Variants in CFAP299 observed in about 807,000 individuals in gnomAD.
The protein encoded by CFAP299 is cilia and flagella associated protein 299.
CFAP299 carries 21 observed loss-of-function variants against 27.0 expected under a neutral mutation model. The observed-to-expected ratio is 0.78, with a 90% confidence interval of 0.55 to 1.12. The LOEUF (loss-of-function observed/expected upper bound fraction) is 1.12, where lower values mean the gene tolerates loss of function less well. CFAP299 is among the 50% of genes most tolerant of loss of function. CFAP299 has a pLI of 0.00. For missense variants in CFAP299, 310 were observed against 276.6 expected (o/e 1.12, Z -0.86); for synonymous variants, 104 against 98.1 (o/e 1.06, Z -0.36).
At chr4:80,540,073 A>G (rs905444523) in intron 2 of CFAP299, among the ~76,000 whole-genome samples, 2 of 152,220 alleles carry the variant, frequency 1.3e-5, no homozygotes, top group African/African-American at 2.4e-5. Context: ...GTTTTTGCCA[A>G]AGGAATTAAT....
At chr4:80,384,420 T>G (rs1360979713) in intron 2 of CFAP299, among the ~76,000 whole-genome samples, 1 of 152,154 alleles carries the variant, frequency 6.6e-6, no homozygotes, top group Non-Finnish European at 1.5e-5. Context: ...TTATGAAGAG[T>G]CTGGCATTCA....
intron 3 of CFAP299, among the ~76,000 whole-genome samples, chr4:80,721,476 T>C (rs766919802): frequency 6.6e-5 from 10 of 152,198 alleles, no homozygotes; most frequent in Non-Finnish European, 1.5e-4. Flanking sequence ...TGTGTCCTCA[T>C]TTCCTCATCT....
intron 3 of CFAP299, among the ~76,000 whole-genome samples, chr4:80,663,538 A>G (rs1740978807): frequency 6.6e-6 from 1 of 152,154 alleles, no homozygotes; most frequent in South Asian, 2.1e-4. Context: ...TCTATCATTG[A>G]TGGACATTTG....
At chr4:80,442,779 G>A (rs1290139165) in intron 2 of CFAP299, among the ~76,000 whole-genome samples, 1 of 152,066 alleles carries the variant, frequency 6.6e-6, no homozygotes, top group Non-Finnish European at 1.5e-5. Flanking sequence ...TAACAAAATA[G>A]ATAGACTAGT....
At chr4:80,646,258 A>G (rs960429859) in intron 3 of CFAP299, among the ~76,000 whole-genome samples, 2 of 152,174 alleles carry the variant, frequency 1.3e-5, no homozygotes, top group African/African-American at 4.8e-5. Context: ...TATTTGTTAA[A>G]TAAAAGAAAA....
chr4:80,323,155 A>T, the CFAP299 span, among the ~76,000 whole-genome samples: 1 of 152,236 alleles, frequency 6.6e-6, no homozygotes, highest in Non-Finnish European at 1.5e-5. Context: ...GCTGGTTGGG[A>T]TGAAGCATAT....
rs1560543908 is a variant in CFAP299, at chr4:80,390,878, T to TATATATGTTTATACACACATATATGC, written c.242+28002_242+28003insTTATACACACATATATGCATATATGT. On this transcript the variant is annotated intron_variant, in intron 2 of 5. Coordinates refer to ENST00000358105, the MANE Select transcript of CFAP299 (RefSeq NM_152770.3). ...GTATATGTATATGCGCACATATATG[T>TATATATGTTTATACACACATATATGC]ATATATGTATATACACACATATGCA... Among the ~76,000 whole-genome samples, 167 of 66,640 alleles carry TATATATGTTTATACACACATATATGC rather than the reference T, an allele frequency of 2.5e-3. 15 individuals carry two copies. The highest frequency in any genetic ancestry group is 6.5e-3 in the African/African-American group (154 of 23,722). 43.7% of individuals were successfully genotyped at this position (66,640 alleles called of 152,430 possible).
chr4:80,413,080 G>A (rs1726807217), intron 2 of CFAP299, among the ~76,000 whole-genome samples: 2 of 152,208 alleles, frequency 1.3e-5, no homozygotes, highest in South Asian at 4.1e-4. Context: ...TTCTCAACTT[G>A]TGTGAGAAGA....
chr4:80,524,813 A>T (rs1733092065), intron 2 of CFAP299, among the ~76,000 whole-genome samples: 1 of 152,096 alleles, frequency 6.6e-6, no homozygotes, highest in African/African-American at 2.4e-5. Flanking sequence ...CTATTATGTC[A>T]TGGTTTCTGT....
chr4:80,371,263 A>G (rs967628090), intron 2 of CFAP299, among the ~76,000 whole-genome samples: 2 of 152,164 alleles, frequency 1.3e-5, no homozygotes, highest in Admixed American at 6.5e-5. Context: ...CTTAACACAT[A>G]AAATTGTTCA....
chr4:80,719,438 C>G (rs1369893249), intron 3 of CFAP299, among the ~76,000 whole-genome samples: 2 of 152,140 alleles, frequency 1.3e-5, no homozygotes, highest in African/African-American at 4.8e-5. Flanking sequence ...AGAAAACTAC[C>G]AAACTGTTTC....
chr4:80,516,525 T>C lies in CFAP299; in HGVS notation c.243-66568T>C, dbSNP rs1048959557. Among the ~76,000 whole-genome samples the C allele has an allele frequency of 5.3e-5, 8 of 151,726 alleles. 1 individual carries two copies. Among genetic ancestry groups the C allele is most frequent in the Admixed American group, 3.9e-4 (6 of 15,236 alleles). ...GATGAGAGAGGGAGTAAGAGGGAAA[T>C]TGGGGAGGTTTCAGACTCTTTCAAA... On this transcript the variant is annotated intron_variant, in intron 2 of 5. Transcript: ENST00000358105.
chr4:80,366,174 A>G (rs1723824329), intron 2 of CFAP299, among the ~76,000 whole-genome samples: 1 of 152,190 alleles, frequency 6.6e-6, no homozygotes, highest in Non-Finnish European at 1.5e-5. Flanking sequence ...CACTTTGAAA[A>G]TATGCATGAA....
At chr4:80,883,265 T>C (rs1210607324) in intron 4 of CFAP299, among the ~76,000 whole-genome samples, 4 of 152,016 alleles carry the variant, frequency 2.6e-5, no homozygotes, top group Admixed American at 2.6e-4. Context: ...AGCCTCACGG[T>C]AAACACAAAT....
chr4:80,504,359 G>GCTTT lies in CFAP299; in HGVS notation c.243-78730_243-78727dup, dbSNP rs565440384. 9.1e-3 allele frequency among the ~76,000 whole-genome samples: 1,364 copies of GCTTT among 150,226 alleles called. 9 individuals are homozygous for GCTTT. The highest frequency in any genetic ancestry group is 0.028 in the Middle Eastern group (8 of 290). Reference sequence around the variant, plus strand: ...AAGAGAGCTGCCATGTGGTGAAGAGGCTTTCTTGCCTGGGATTTTTCTTCA... The same window carrying GCTTT: ...AAGAGAGCTGCCATGTGGTGAAGAGGCTTTCTTTCTTGCCTGGGATTTTTCTTCA... On this transcript the variant is annotated intron_variant, in intron 2 of 5. Coordinates refer to ENST00000358105, the MANE Select transcript of CFAP299 (RefSeq NM_152770.3).
chr4:80,723,117 T>C (rs1722933943), intron 3 of CFAP299, among the ~76,000 whole-genome samples: 1 of 152,154 alleles, frequency 6.6e-6, no homozygotes, highest in Admixed American at 6.6e-5. Flanking sequence ...GGCAAGGATG[T>C]GGAAGACCTG....
intron 2 of CFAP299, among the ~76,000 whole-genome samples, chr4:80,517,809 A>G (rs989114437): frequency 8.5e-5 from 13 of 152,282 alleles, no homozygotes; most frequent in African/African-American, 2.9e-4. Context: ...AGGGTGTAGG[A>G]GAGAGACAAG....
intron 3 of CFAP299, among the ~76,000 whole-genome samples, chr4:80,732,354 C>T (rs1578069850): frequency 1.3e-5 from 2 of 152,070 alleles, no homozygotes; most frequent in Admixed American, 1.3e-4. Context: ...TACACATTGA[C>T]CTTGATTTCT....
Position 80,863,201 on chromosome 4 carries a change from CTT to C in CFAP299, c.334-6777_334-6776del, listed in dbSNP as rs71664821. On this transcript the variant is annotated intron_variant, in intron 3 of 5. Transcript: ENST00000358105. The stretch of plus-strand genomic sequence containing the variant: ...GTACAGCAACATACTGCTTAGCATG[CTT>C]TTTTTTTTTTTTTTAAGTGACTTTG... Among the ~76,000 whole-genome samples, 165 of 133,456 alleles carry C rather than the reference CTT, an allele frequency of 1.2e-3. 2 individuals carry two copies. In the East Asian group the frequency reaches 0.025, roughly 20 times the overall value. 87.6% of individuals were successfully genotyped at this position (133,456 alleles called of 152,430 possible). A position where few individuals can be genotyped will look rare whatever the true frequency, so the allele number is the denominator to read the frequency against.
Sources: allele counts gnomAD v4.1 joint callset (sites outside exome capture counted in the v4.1 genomes callset), GRCh38; gene constraint gnomAD v4.1.1; transcripts MANE v1.5; gene names NCBI Gene and HGNC (gene_info 2026-07-23, HGNC 2026-07-21).